The following WWOX variants were observed in gnomAD, a reference collection of about 807,000 sequenced individuals.
WWOX encodes the protein WW domain containing oxidoreductase, also known as WW domain-containing oxidoreductase.
In WWOX, 69 loss-of-function variants were observed where a neutral mutation model predicts 46.2. That is an observed-to-expected ratio of 1.49 (90% CI 1.23 to 1.82). The LOEUF (loss-of-function observed/expected upper bound fraction) is 1.82, where lower values mean the gene tolerates loss of function less well. Ranked by LOEUF, WWOX falls within the 40% of genes most tolerant of loss-of-function variation. The pLI, the probability that WWOX is intolerant of heterozygous loss-of-function variation, is 0.00. For synonymous variants in WWOX, 359 were observed against 202.6 expected (o/e 1.77, Z -6.56); for missense variants, 919 against 542.6 (o/e 1.69, Z -6.89).
intron 5 of WWOX, among the ~76,000 whole-genome samples, chr16:78,271,948 G>A (rs2079484689): frequency 6.6e-6 from 1 of 152,158 alleles, no homozygotes; most frequent in Non-Finnish European, 1.5e-5. Flanking sequence ...AGCCAGGTCA[G>A]GCAGATGGAG....
At chr16:78,729,614 C>T (rs888205307) in intron 8 of WWOX, among the ~76,000 whole-genome samples, 10 of 152,040 alleles carry the variant, frequency 6.6e-5, no homozygotes, top group African/African-American at 1.9e-4. Flanking sequence ...TCTTCCAGGG[C>T]CTCTGGAGGA....
At chr16:78,505,512 C>A (rs934852947) in intron 8 of WWOX, among the ~76,000 whole-genome samples, 8 of 152,168 alleles carry the variant, frequency 5.3e-5, no homozygotes, top group Admixed American at 4.6e-4. Context: ...CCCAGGGAGA[C>A]TGTTCAAGCA....
At chr16:78,903,704 G>A (rs996975185) in intron 8 of WWOX, among the ~76,000 whole-genome samples, 3 of 152,122 alleles carry the variant, frequency 2.0e-5, no homozygotes, top group South Asian at 4.1e-4. Context: ...TGGACACTTC[G>A]CTCTAGGCAC....
intron 8 of WWOX, among the ~76,000 whole-genome samples, chr16:78,719,664 T>G (rs949634050): frequency 6.6e-6 from 1 of 152,246 alleles, no homozygotes; most frequent in African/African-American, 2.4e-5. Context: ...TACACTGGTT[T>G]AGTAATTTTC....
intron 8 of WWOX, among the ~76,000 whole-genome samples, chr16:78,935,487 C>T (rs2045717104): frequency 6.6e-6 from 1 of 151,760 alleles, no homozygotes; most frequent in South Asian, 2.1e-4. Context: ...CCATCATTCT[C>T]AGCAAACTAT....
At chr16:78,482,804 C>T (rs2084528810) in intron 8 of WWOX, among the ~76,000 whole-genome samples, 2 of 152,166 alleles carry the variant, frequency 1.3e-5, no homozygotes, top group Non-Finnish European at 1.5e-5. Flanking sequence ...ACGTATGTTT[C>T]ATTTTTCTTG....
chr16:78,933,082 A>T (rs2045659255), intron 8 of WWOX, among the ~76,000 whole-genome samples: 1 of 152,128 alleles, frequency 6.6e-6, no homozygotes. Context: ...TGCAAATCGA[A>T]AGCATCAGTT....
chr16:78,274,925 G>C (rs770337384), intron 5 of WWOX, among the ~76,000 whole-genome samples: 1 of 152,182 alleles, frequency 6.6e-6, no homozygotes, highest in African/African-American at 2.4e-5. Flanking sequence ...ACAGTGGTAA[G>C]AGAGCCTTTC....
intron 5 of WWOX, among the ~76,000 whole-genome samples, chr16:78,223,608 C>T (rs1004424519): frequency 6.6e-6 from 1 of 152,080 alleles, no homozygotes; most frequent in Non-Finnish European, 1.5e-5. Context: ...TGCTCAGCGT[C>T]CCTGGGCGGT....
At chr16:78,247,417 A>C (rs572028497) in intron 5 of WWOX, among the ~76,000 whole-genome samples, 1 of 152,076 alleles carries the variant, frequency 6.6e-6, no homozygotes, top group South Asian at 2.1e-4. Context: ...CATGGGTGCA[A>C]AAGATGCCTC....
chr16:78,727,645 C>A (rs966202465), intron 8 of WWOX, among the ~76,000 whole-genome samples: 2 of 152,120 alleles, frequency 1.3e-5, no homozygotes, highest in Non-Finnish European at 2.9e-5. Context: ...CATACCTTTC[C>A]CTTAAATTCT....
chr16:79,013,403 G>A (rs2047351450), intron 8 of WWOX, among the ~76,000 whole-genome samples: 1 of 152,132 alleles, frequency 6.6e-6, no homozygotes, highest in African/African-American at 2.4e-5. Context: ...GCTCAGTTCT[G>A]GTAACTCTTT....
intron 5 of WWOX, among the ~76,000 whole-genome samples, chr16:78,370,666 A>G (rs1439630176): frequency 1.3e-5 from 2 of 151,900 alleles, no homozygotes; most frequent in African/African-American, 4.8e-5. Context: ...AGAAACATCT[A>G]AGTTTCCATT....
intron 8 of WWOX, chr16:79,101,503 C>A (rs1355807415): frequency 2.0e-5 from 3 of 152,132 alleles, no homozygotes; most frequent in African/African-American, 7.2e-5. Flanking sequence ...TCCCTATTCC[C>A]ATATCCCAGC....
chr16:78,848,829 T>C (rs939982427), intron 8 of WWOX, among the ~76,000 whole-genome samples: 1 of 152,166 alleles, frequency 6.6e-6, no homozygotes, highest in Admixed American at 6.5e-5. Flanking sequence ...TGAGATTTTT[T>C]TTAACCTCCT....
intron 8 of WWOX, among the ~76,000 whole-genome samples, chr16:78,434,623 C>G (rs1371067981): frequency 6.6e-6 from 1 of 152,172 alleles, no homozygotes; most frequent in Non-Finnish European, 1.5e-5. Flanking sequence ...TGAGTCATCT[C>G]ACTTGTATTT....
chr16:79,013,466 C>G (rs1019169192), intron 8 of WWOX, among the ~76,000 whole-genome samples: 3 of 152,068 alleles, frequency 2.0e-5, no homozygotes, highest in African/African-American at 7.2e-5. Flanking sequence ...TTTCTGTGTG[C>G]TCTTCTAAGA....
chr16:78,419,625 CAAAAAAAAAAAAAAA>C (rs60762734), intron 6 of WWOX, among the ~76,000 whole-genome samples: 2 of 44,692 alleles, frequency 4.5e-5, no homozygotes, highest in Non-Finnish European at 9.3e-5. Context: ...CAAAAAATAG[CAAAAAAAAAAAAAAA>C]AAAAAAAAAA....
At chr16:78,783,998 G>A (rs2050395193) in intron 8 of WWOX, among the ~76,000 whole-genome samples, 1 of 151,920 alleles carries the variant, frequency 6.6e-6, no homozygotes, top group South Asian at 2.1e-4. Flanking sequence ...GATAATGTTG[G>A]TGATGGTGGG....
Sources: gnomAD v4.1 joint callset for allele counts (sites outside exome capture counted in the v4.1 genomes callset) on GRCh38, gnomAD v4.1.1 for gene constraint, MANE v1.5 for transcripts, NCBI Gene and HGNC (gene_info 2026-07-23, HGNC 2026-07-21) for gene names.